Variants in GMDS observed in about 807,000 individuals in gnomAD.
GMDS encodes GDP-mannose 4,6 dehydratase.
Under a neutral mutation model 49.9 loss-of-function variants are expected in GMDS, and 20 were observed. The observed-to-expected ratio is 0.40, with a 90% CI of 0.28 to 0.58. The LOEUF is 0.58. Ranked by LOEUF, GMDS falls within the 20% of genes least tolerant of loss-of-function variation. The pLI, the probability that GMDS is intolerant of heterozygous loss-of-function variation, is 0.42. For missense variants in GMDS, 362 were observed against 481.4 expected, an observed-to-expected ratio of 0.75 and a Z score of 2.32; for synonymous variants, 177 against 178.6, an observed-to-expected ratio of 0.99 and a Z score of 0.07.
intron 9 of GMDS, among the ~76,000 whole-genome samples, chr6:1,697,876 G>A (rs1446545688): frequency 1.3e-5 from 2 of 152,198 alleles, no homozygotes; most frequent in Non-Finnish European, 2.9e-5. Flanking sequence ...CAAACTGAAC[G>A]GGGAAAATAT....
At chr6:2,234,157 C>T (rs749822657) in intron 1 of GMDS, among the ~76,000 whole-genome samples, 17 of 152,150 alleles carry the variant, frequency 1.1e-4, no homozygotes, top group Non-Finnish European at 8.8e-5. Flanking sequence ...TCCTGACTTT[C>T]CCAATCCAAC....
intron 1 of GMDS, among the ~76,000 whole-genome samples, chr6:2,147,010 G>A (rs1430391990): frequency 2.6e-5 from 4 of 152,142 alleles, no homozygotes; most frequent in Non-Finnish European, 2.9e-5. Context: ...ACTGGAAAGA[G>A]GATATTGCTG....
At chr6:1,841,965 T>C (rs1286151212) in intron 7 of GMDS, among the ~76,000 whole-genome samples, 1 of 152,230 alleles carries the variant, frequency 6.6e-6, no homozygotes, top group Non-Finnish European at 1.5e-5. Flanking sequence ...ATATCTTCTC[T>C]GGATGCTCTC....
intron 7 of GMDS, among the ~76,000 whole-genome samples, chr6:1,799,360 TA>T (rs1769858579): frequency 6.6e-6 from 1 of 152,334 alleles, no homozygotes; most frequent in South Asian, 2.1e-4. Context: ...GGCATATATC[TA>T]AGAAAGCTCA....
intron 7 of GMDS, among the ~76,000 whole-genome samples, chr6:1,749,548 A>G (rs6596848): frequency 0.56 from 85,266 of 151,574 alleles, 24,657 homozygotes; most frequent in African/African-American, 0.69. Context: ...AGCTGAGATC[A>G]TGCCACTGCA....
At chr6:1,693,147 G>A (rs1045870680) in intron 9 of GMDS, among the ~76,000 whole-genome samples, 1 of 152,172 alleles carries the variant, frequency 6.6e-6, no homozygotes, top group Non-Finnish European at 1.5e-5. Flanking sequence ...AATGCCCTGT[G>A]GATTTTAATC....
intron 6 of GMDS, among the ~76,000 whole-genome samples, chr6:1,944,188 GAAGT>G (rs749982038): frequency 6.6e-6 from 1 of 152,148 alleles, no homozygotes; most frequent in Non-Finnish European, 1.5e-5. Context: ...TGACATTTAA[GAAGT>G]AAGGCAGAGC....
chr6:1,805,019 A>G (rs1362777133), intron 7 of GMDS, among the ~76,000 whole-genome samples: 2 of 152,212 alleles, frequency 1.3e-5, no homozygotes, highest in Non-Finnish European at 2.9e-5. Context: ...AGAAATGAAG[A>G]CAGCTATCTT....
chr6:1,951,013 A>T (rs1763313196), intron 6 of GMDS, among the ~76,000 whole-genome samples: 1 of 152,156 alleles, frequency 6.6e-6, no homozygotes, highest in Non-Finnish European at 1.5e-5. Context: ...TGGGACAAGA[A>T]AAATATCTCC....
chr6:1,751,072 T>C (rs754286333), intron 7 of GMDS, among the ~76,000 whole-genome samples: 1 of 152,194 alleles, frequency 6.6e-6, no homozygotes, highest in Admixed American at 6.5e-5. Context: ...GCAACCCCAG[T>C]CAGGGGCTTA....
intron 4 of GMDS, among the ~76,000 whole-genome samples, chr6:2,032,488 G>T (rs1769028409): frequency 6.6e-6 from 1 of 152,096 alleles, no homozygotes; most frequent in Non-Finnish European, 1.5e-5. Context: ...CATATTGTAT[G>T]TATTTGCACA....
chr6:2,035,543 T>A (rs1298247186), intron 4 of GMDS, among the ~76,000 whole-genome samples: 1 of 152,176 alleles, frequency 6.6e-6, no homozygotes, highest in Non-Finnish European at 1.5e-5. Flanking sequence ...TCCCCCATCA[T>A]ACATACCAAG....
chr6:1,973,304 T>C (rs1764720460), intron 4 of GMDS, among the ~76,000 whole-genome samples: 1 of 152,212 alleles, frequency 6.6e-6, no homozygotes, highest in African/African-American at 2.4e-5. Flanking sequence ...ACATTAGCTT[T>C]TGAATGCATT....
intron 4 of GMDS, among the ~76,000 whole-genome samples, chr6:1,980,852 C>G (rs1180150128): frequency 6.6e-6 from 1 of 152,076 alleles, no homozygotes; most frequent in Non-Finnish European, 1.5e-5. Context: ...GACTACAGCC[C>G]AATCAAATTA....
intron 7 of GMDS, among the ~76,000 whole-genome samples, chr6:1,743,278 G>T (rs1225564741): frequency 6.6e-6 from 1 of 152,194 alleles, no homozygotes; most frequent in Non-Finnish European, 1.5e-5. Context: ...GTCTAGCAGG[G>T]CGCGGTGGCT....
intron 1 of GMDS, among the ~76,000 whole-genome samples, chr6:2,144,651 T>TG (rs1776464266): frequency 6.6e-6 from 1 of 152,242 alleles, no homozygotes; most frequent in Non-Finnish European, 1.5e-5. Context: ...GGCTAGGCCC[T>TG]GGCTCCCTCT....
At position 1,814,811 on chromosome 6, in the gene GMDS, T is replaced by C. The variant is rs3800079; in HGVS notation, c.772-72225A>G. Among the ~76,000 whole-genome samples the C allele has an allele frequency of 5.1e-4, 78 of 152,344 alleles. 3 individuals are homozygous for C. The East Asian group carries it at 0.015, about 29-fold the overall frequency. ...ATAATTCAGTCTCTAAACCTCTTTA[T>C]ATAAAACAAATTAAACAACTGGCAT... is the stretch of plus-strand genomic sequence containing the variant. On this transcript the variant is annotated intron_variant, in intron 7 of 10. Transcript: ENST00000380815.
At chr6:1,998,875 G>T (rs77481139) in intron 4 of GMDS, among the ~76,000 whole-genome samples, 32,268 of 151,612 alleles carry the variant, frequency 0.21, 3,634 homozygotes, top group Non-Finnish European at 0.24. Context: ...AAGGAAAACT[G>T]TTTTTTTTAA....
intron 7 of GMDS, among the ~76,000 whole-genome samples, chr6:1,817,685 G>C (rs907911702): frequency 6.6e-6 from 1 of 152,138 alleles, no homozygotes; most frequent in Non-Finnish European, 1.5e-5. Flanking sequence ...TTCTGTCCTT[G>C]TGAGGGCAAT....
Sources: allele counts gnomAD v4.1 joint callset (sites outside exome capture counted in the v4.1 genomes callset), GRCh38; gene constraint gnomAD v4.1.1; transcripts MANE v1.5; gene names NCBI Gene and HGNC (gene_info 2026-07-23, HGNC 2026-07-21).